The following ZNF804B variants were observed in gnomAD, a reference collection of about 807,000 sequenced individuals.
The protein encoded by ZNF804B is zinc finger 804B.
Under a neutral mutation model 101.4 loss-of-function variants are expected in ZNF804B, and 80 were observed. The observed-to-expected ratio is 0.79, with a 90% CI of 0.66 to 0.95. The LOEUF (loss-of-function observed/expected upper bound fraction) is 0.95. Among genes scored for constraint, ZNF804B ranks in the 40% least tolerant of loss-of-function variants. The pLI, the probability that ZNF804B is intolerant of heterozygous loss-of-function variation, is 0.00. For synonymous variants in ZNF804B, 622 were observed against 558.8 expected, an observed-to-expected ratio of 1.11 and a Z score of -1.59; for missense variants, 1,673 against 1,561.9, an observed-to-expected ratio of 1.07 and a Z score of -1.20.
intron 1 of ZNF804B, among the ~76,000 whole-genome samples, chr7:89,053,758 T>C (rs1469753852): frequency 1.3e-5 from 2 of 151,926 alleles, no homozygotes. Flanking sequence ...ATATAATTGA[T>C]TGTATACTCT....
intron 1 of ZNF804B, among the ~76,000 whole-genome samples, chr7:88,823,851 C>G (rs1791018188): frequency 1.3e-5 from 2 of 152,042 alleles, no homozygotes; most frequent in Admixed American, 6.6e-5. Flanking sequence ...AAGAAAAGCA[C>G]TGATGGAAGC....
At chr7:89,186,491 CA>C (rs1444977508) in intron 1 of ZNF804B, among the ~76,000 whole-genome samples, 1 of 151,958 alleles carries the variant, frequency 6.6e-6, no homozygotes, top group Non-Finnish European at 1.5e-5. Flanking sequence ...AAGGTGAAAA[CA>C]GAAAGAAATA....
At chr7:89,039,688 G>A (rs1788985926) in intron 1 of ZNF804B, among the ~76,000 whole-genome samples, 1 of 151,132 alleles carries the variant, frequency 6.6e-6, no homozygotes, top group Non-Finnish European at 1.5e-5. Context: ...AGAACTTTCA[G>A]TATAGCATTG....
chr7:88,920,148 A>G (rs1792698740), intron 1 of ZNF804B, among the ~76,000 whole-genome samples: 1 of 152,152 alleles, frequency 6.6e-6, no homozygotes, highest in Non-Finnish European at 1.5e-5. Context: ...TTTAAAATGT[A>G]GAACTATTTT....
intron 1 of ZNF804B, among the ~76,000 whole-genome samples, chr7:88,878,898 C>G (rs181139629): frequency 6.6e-6 from 1 of 152,224 alleles, no homozygotes; most frequent in Non-Finnish European, 1.5e-5. Flanking sequence ...TTCCTGTTCC[C>G]ATGTCTTAAC....
chr7:89,082,269 G>C (rs1406198191), intron 1 of ZNF804B, among the ~76,000 whole-genome samples: 1 of 151,512 alleles, frequency 6.6e-6, no homozygotes, highest in Non-Finnish European at 1.5e-5. Flanking sequence ...ATGTTCAAAT[G>C]CAAAATAGAT....
intron 1 of ZNF804B, among the ~76,000 whole-genome samples, chr7:88,854,476 T>TTTCTTTCTTTCTTTCTTTCC (rs1554340148): frequency 1.0e-4 from 5 of 48,752 alleles, no homozygotes; most frequent in South Asian, 7.0e-4. Flanking sequence ...TCTTTCTTTC[T>TTTCTTTCTTTCTTTCTTTCC]CTTTCCTTTC....
intron 1 of ZNF804B, among the ~76,000 whole-genome samples, chr7:89,201,473 A>AT (rs1788635934): frequency 6.6e-6 from 1 of 151,998 alleles, no homozygotes; most frequent in Non-Finnish European, 1.5e-5. Flanking sequence ...TATTAGATAT[A>AT]TTGTACACTA....
intron 1 of ZNF804B, among the ~76,000 whole-genome samples, chr7:88,948,761 A>G (rs1023945175): frequency 1.3e-5 from 2 of 151,596 alleles, no homozygotes; most frequent in Non-Finnish European, 2.9e-5. Context: ...AAGTGACATT[A>G]TCTTTACAAA....
At chr7:88,949,149 T>A (rs1366732797) in intron 1 of ZNF804B, among the ~76,000 whole-genome samples, 4 of 151,896 alleles carry the variant, frequency 2.6e-5, no homozygotes, top group African/African-American at 9.7e-5. Context: ...TAAGGTAATA[T>A]GATCATGGCG....
intron 1 of ZNF804B, among the ~76,000 whole-genome samples, chr7:89,071,821 A>G (rs1167223245): frequency 2.0e-5 from 3 of 147,620 alleles, no homozygotes; most frequent in Non-Finnish European, 4.4e-5. Flanking sequence ...TTGTCTTCCA[A>G]AAACATAACA....
At chr7:88,930,996 C>G (rs1473985818) in intron 1 of ZNF804B, among the ~76,000 whole-genome samples, 1 of 151,844 alleles carries the variant, frequency 6.6e-6, no homozygotes, top group African/African-American at 2.4e-5. Context: ...TGGTCAGTAG[C>G]TTAAGAATTG....
intron 2 of ZNF804B, among the ~76,000 whole-genome samples, chr7:89,236,522 A>C (rs1444640092): frequency 6.6e-6 from 1 of 152,150 alleles, no homozygotes; most frequent in Non-Finnish European, 1.5e-5. Flanking sequence ...TAAAATTAGA[A>C]CTTTCCAATT....
intron 1 of ZNF804B, among the ~76,000 whole-genome samples, chr7:88,906,883 A>G (rs1474844242): frequency 6.6e-6 from 1 of 152,048 alleles, no homozygotes; most frequent in Non-Finnish European, 1.5e-5. Flanking sequence ...TTCATAGGTC[A>G]AGAAGAATTC....
intron 1 of ZNF804B, among the ~76,000 whole-genome samples, chr7:89,127,361 A>G (rs944387314): frequency 6.6e-6 from 1 of 151,270 alleles, no homozygotes; most frequent in Non-Finnish European, 1.5e-5. Flanking sequence ...ACAAATCCCA[A>G]AACGGTATTT....
chr7:89,301,568 G>A (rs1431891360), intron 2 of ZNF804B, among the ~76,000 whole-genome samples: 1 of 151,722 alleles, frequency 6.6e-6, no homozygotes, highest in Non-Finnish European at 1.5e-5. Context: ...GCTAAAAATA[G>A]CTAGTTAGTA....
intron 1 of ZNF804B, among the ~76,000 whole-genome samples, chr7:88,925,715 C>T (rs180760245): frequency 1.5e-4 from 23 of 152,224 alleles, no homozygotes; most frequent in African/African-American, 4.1e-4. Flanking sequence ...CTGCAGCAGC[C>T]GGCTTTGTAG....
chr7:89,152,124 T>C (rs544204653), intron 1 of ZNF804B, among the ~76,000 whole-genome samples: 15 of 152,322 alleles, frequency 9.8e-5, no homozygotes, highest in African/African-American at 3.6e-4. Flanking sequence ...GTATTATTTA[T>C]ATGGATTTGG....
intron 1 of ZNF804B, among the ~76,000 whole-genome samples, chr7:89,032,030 T>C (rs1435718611): frequency 1.3e-5 from 2 of 152,146 alleles, no homozygotes; most frequent in Non-Finnish European, 2.9e-5. Context: ...TGATCTCATT[T>C]ATTTGCAAGC....
Sources: allele counts gnomAD v4.1 joint callset (sites outside exome capture counted in the v4.1 genomes callset), GRCh38; gene constraint gnomAD v4.1.1; transcripts MANE v1.5; gene names NCBI Gene and HGNC (gene_info 2026-07-23, HGNC 2026-07-21).